UNC13C: variants seen among roughly 807,000 people sequenced by gnomAD.
UNC13C encodes protein unc-13 homolog C.
In UNC13C, 174 loss-of-function variants were observed where a neutral mutation model predicts 245.4. The observed-to-expected ratio is 0.71, with a 90% CI of 0.63 to 0.80. The LOEUF (loss-of-function observed/expected upper bound fraction) is 0.80, where lower values mean the gene tolerates loss of function less well. Ranked by LOEUF, UNC13C falls within the 30% of genes least tolerant of loss-of-function variation. The probability of loss-of-function intolerance (pLI) is 0.00; values close to 1 mark genes in which losing one functional copy is unlikely to be tolerated. For missense variants in UNC13C, 2,829 were observed against 2,602.9 expected (o/e 1.09, Z -1.89); for synonymous variants, 992 against 895.1 (o/e 1.11, Z -1.93).
At chr15:54,186,618 A>G (rs2033992640) in intron 4 of UNC13C, among the ~76,000 whole-genome samples, 1 of 151,952 alleles carries the variant, frequency 6.6e-6, no homozygotes, top group Admixed American at 6.6e-5. Context: ...TAACAGAAAA[A>G]AATCCACCCA....
intron 2 of UNC13C, among the ~76,000 whole-genome samples, chr15:54,106,050 G>A (rs1240024702): frequency 2.0e-5 from 3 of 152,186 alleles, no homozygotes; most frequent in African/African-American, 7.2e-5. Flanking sequence ...GAGTGCTGGA[G>A]TCTTCTTCAG....
At chr15:54,310,301 C>CACAT (rs1157492387) in intron 13 of UNC13C, among the ~76,000 whole-genome samples, 1 of 151,864 alleles carries the variant, frequency 6.6e-6, no homozygotes, top group Non-Finnish European at 1.5e-5. Flanking sequence ...GCTGTAACTA[C>CACAT]ACATAAAGAG....
intron 4 of UNC13C, among the ~76,000 whole-genome samples, chr15:54,226,333 G>A (rs2035381952): frequency 6.6e-6 from 1 of 152,198 alleles, no homozygotes; most frequent in Non-Finnish European, 1.5e-5. Flanking sequence ...AGTTAGGGAT[G>A]AGTCCATCCT....
chr15:54,091,802 G>T (rs1481356650), intron 2 of UNC13C, among the ~76,000 whole-genome samples: 1 of 151,670 alleles, frequency 6.6e-6, no homozygotes. Flanking sequence ...AATTTTTGCT[G>T]CACAGGACTT....
At chr15:54,228,940 C>T (rs2035471759) in intron 4 of UNC13C, among the ~76,000 whole-genome samples, 1 of 152,134 alleles carries the variant, frequency 6.6e-6, no homozygotes. Context: ...GTCCTTGTAC[C>T]TAGACTGCCT....
intron 4 of UNC13C, among the ~76,000 whole-genome samples, chr15:54,149,967 G>A (rs900573083): frequency 1.3e-5 from 2 of 152,120 alleles, no homozygotes; most frequent in Non-Finnish European, 2.9e-5. Context: ...TTTTATATAA[G>A]GCAGTTGAGT....
chr15:54,334,794 C>G (rs16973458), intron 16 of UNC13C, among the ~76,000 whole-genome samples: 40,895 of 152,032 alleles, frequency 0.27, 5,753 homozygotes, highest in Non-Finnish European at 0.31. Context: ...ATCAAGTTGA[C>G]TTAGATTGAC....
At chr15:54,174,248 A>G (rs973171121) in intron 4 of UNC13C, among the ~76,000 whole-genome samples, 9 of 152,028 alleles carry the variant, frequency 5.9e-5, no homozygotes, top group Admixed American at 1.3e-4. Flanking sequence ...TTCTTCCTCT[A>G]TTTTTCTGAA....
At chr15:54,297,112 C>T (rs2037456782) in intron 11 of UNC13C, among the ~76,000 whole-genome samples, 3 of 152,076 alleles carry the variant, frequency 2.0e-5, no homozygotes, top group African/African-American at 7.2e-5. Flanking sequence ...AGAGAAGAAA[C>T]CAAGTAGTGA....
chr15:54,168,243 G>T (rs1595938208), intron 4 of UNC13C, among the ~76,000 whole-genome samples: 1 of 98,584 alleles, frequency 1.0e-5, no homozygotes, highest in East Asian at 3.3e-4. Context: ...TTAAAAAGTT[G>T]CTGGCTACTT....
At chr15:54,384,375 C>T (rs1229405254) in intron 17 of UNC13C, among the ~76,000 whole-genome samples, 1 of 152,076 alleles carries the variant, frequency 6.6e-6, no homozygotes, top group Non-Finnish European at 1.5e-5. Flanking sequence ...GCCAACTCAT[C>T]TTCAACATAG....
chr15:54,263,593 A>T (rs2036480644), intron 8 of UNC13C, among the ~76,000 whole-genome samples: 2 of 152,196 alleles, frequency 1.3e-5, no homozygotes, highest in Non-Finnish European at 2.9e-5. Context: ...TTAGAGAAAG[A>T]GAGTTCGAGT....
At chr15:53,902,644 C>T in the UNC13C span, among the ~76,000 whole-genome samples, 1 of 152,094 alleles carries the variant, frequency 6.6e-6, no homozygotes, top group Non-Finnish European at 1.5e-5. Flanking sequence ...ACATGCAAGG[C>T]AGTGGGAATA....
At chr15:54,557,852 C>G (rs1166446623) in intron 29 of UNC13C, among the ~76,000 whole-genome samples, 2 of 151,934 alleles carry the variant, frequency 1.3e-5, no homozygotes, top group South Asian at 2.1e-4. Context: ...TGTAAATATC[C>G]TGGGTGTTAG....
intron 17 of UNC13C, among the ~76,000 whole-genome samples, chr15:54,349,306 T>G (rs1392197514): frequency 6.6e-6 from 1 of 151,564 alleles, no homozygotes; most frequent in Non-Finnish European, 1.5e-5. Context: ...ATATGAAAAT[T>G]CAGAGCCTGA....
intron 18 of UNC13C, among the ~76,000 whole-genome samples, chr15:54,401,461 C>G (rs1001821108): frequency 1.3e-5 from 2 of 152,108 alleles, no homozygotes; most frequent in African/African-American, 4.8e-5. Flanking sequence ...ATAAGAGAAA[C>G]TAGGTTCACT....
intron 17 of UNC13C, among the ~76,000 whole-genome samples, chr15:54,347,996 A>G (rs79621692): frequency 0.015 from 2,302 of 152,278 alleles, 68 homozygotes; most frequent in African/African-American, 0.053. Context: ...ATACAGTATT[A>G]TTGTTGTATA....
intron 4 of UNC13C, among the ~76,000 whole-genome samples, chr15:54,181,686 A>G (rs910416124): frequency 1.3e-5 from 2 of 151,860 alleles, no homozygotes; most frequent in African/African-American, 4.8e-5. Context: ...AGAGCATGGT[A>G]TGTTTTCCCA....
intron 18 of UNC13C, among the ~76,000 whole-genome samples, chr15:54,401,070 T>C (rs1567240600): frequency 6.6e-6 from 1 of 152,206 alleles, no homozygotes; most frequent in Non-Finnish European, 1.5e-5. Context: ...AAGAACTTTC[T>C]TTCATTAATT....
Sources: allele counts gnomAD v4.1 joint callset (sites outside exome capture counted in the v4.1 genomes callset), GRCh38; gene constraint gnomAD v4.1.1; transcripts MANE v1.5; gene names NCBI Gene and HGNC (gene_info 2026-07-23, HGNC 2026-07-21).